Variants in DCT observed in about 807,000 individuals in gnomAD.
DCT encodes dopachrome tautomerase.
DCT carries 47 observed loss-of-function variants against 53.0 expected under a neutral mutation model. That is an observed-to-expected ratio of 0.89 (90% CI 0.70 to 1.13). The LOEUF is 1.13. Among genes scored for constraint, DCT ranks in the 50% most tolerant of loss-of-function variants. The probability of loss-of-function intolerance (pLI) is 0.00; values close to 1 mark genes in which losing one functional copy is unlikely to be tolerated. For missense variants in DCT, 669 were observed against 637.4 expected (o/e 1.05, Z -0.53); for synonymous variants, 244 against 237.0 (o/e 1.03, Z -0.27).
At chr13:94,539,204 A>T in the DCT span, among the ~76,000 whole-genome samples, 1 of 152,214 alleles carries the variant, frequency 6.6e-6, no homozygotes, top group South Asian at 2.1e-4. Context: ...AACACAGAGA[A>T]TGAAAGTTGG....
the DCT span, among the ~76,000 whole-genome samples, chr13:94,487,712 C>T: frequency 6.6e-5 from 10 of 152,156 alleles, no homozygotes; most frequent in African/African-American, 9.7e-5. Flanking sequence ...AAATCCTCCC[C>T]GTTTTTTAGC....
chr13:94,449,817 G>T (rs1304136644), intron 6 of DCT, among the ~76,000 whole-genome samples: 1 of 151,094 alleles, frequency 6.6e-6, no homozygotes, highest in African/African-American at 2.5e-5. Context: ...GCCCTAAATA[G>T]GCCATATGTA....
At chr13:94,522,958 G>A in the DCT span, among the ~76,000 whole-genome samples, 4 of 152,172 alleles carry the variant, frequency 2.6e-5, no homozygotes, top group African/African-American at 7.2e-5. Flanking sequence ...GTTAGCATAC[G>A]TGTTTTACAT....
At chr13:94,452,485 G>A (rs1267865630) in intron 6 of DCT, 1 of 619,914 alleles carries the variant, frequency 1.6e-6, no homozygotes, top group Non-Finnish European at 2.8e-6. Context: ...TGACACATAG[G>A]TGACACACAG....
At chr13:94,486,578 C>T in the DCT span, among the ~76,000 whole-genome samples, 1 of 152,202 alleles carries the variant, frequency 6.6e-6, no homozygotes. Flanking sequence ...TATCATCAAA[C>T]ACATTTCCCA....
chr13:94,443,575 T>G lies in DCT; in HGVS notation c.1242A>C (p.Ala414=), dbSNP rs537647470. Residue 414 remains alanine, a synonymous_variant, in exon 7 of 8, where the codon GCA becomes GCC. Transcript: ENST00000377028. ...GGGCCAGCTCCTGAGGCCAGGCATC[T>G]GCAGGAGGATTAAATCTTTTCATCC... ...DEWMKRFNPP[A]DAWPQELAPI... The G allele has an allele frequency of 2.5e-6, 4 of 1,614,034 alleles. No homozygotes were observed. In the Admixed American group the frequency reaches 5.0e-5, roughly 20 times the overall value.
chr13:94,480,539 T>C (rs1885397207), upstream of DCT, among the ~76,000 whole-genome samples: 2 of 152,202 alleles, frequency 1.3e-5, no homozygotes. Context: ...AAGACACATA[T>C]TGTTATGTTT....
the DCT span, among the ~76,000 whole-genome samples, chr13:94,488,709 T>C: frequency 6.9e-6 from 1 of 145,118 alleles, no homozygotes; most frequent in Non-Finnish European, 1.5e-5. Flanking sequence ...GGCCAGACCT[T>C]CTTGTCTAAT....
At chr13:94,530,070 G>A in the DCT span, among the ~76,000 whole-genome samples, 1 of 152,114 alleles carries the variant, frequency 6.6e-6, no homozygotes, top group South Asian at 2.1e-4. Flanking sequence ...ACCCTCCCAA[G>A]ACTAAACCAG....
At chr13:94,497,163 G>A in the DCT span, among the ~76,000 whole-genome samples, 2 of 152,112 alleles carry the variant, frequency 1.3e-5, no homozygotes, top group African/African-American at 2.4e-5. Flanking sequence ...TCTTCATAAC[G>A]TAGGTGGGCC....
At chr13:94,460,503 CTA>C (rs1594297442) in intron 5 of DCT, among the ~76,000 whole-genome samples, 1 of 152,164 alleles carries the variant, frequency 6.6e-6, no homozygotes, top group Admixed American at 6.5e-5. Context: ...AGAGCAGGCT[CTA>C]TGTTTTCTTC....
the DCT span, among the ~76,000 whole-genome samples, chr13:94,488,810 C>T: frequency 6.8e-6 from 1 of 146,986 alleles, no homozygotes; most frequent in South Asian, 2.3e-4. Flanking sequence ...TATACACATA[C>T]ATACACACAC....
At chr13:94,498,678 G>A in the DCT span, among the ~76,000 whole-genome samples, 44 of 152,330 alleles carry the variant, frequency 2.9e-4, no homozygotes, top group Admixed American at 1.3e-3. Context: ...CAGGAGCTGT[G>A]TACATTTGAG....
the DCT span, among the ~76,000 whole-genome samples, chr13:94,542,982 C>A: frequency 6.6e-6 from 1 of 152,188 alleles, no homozygotes; most frequent in Non-Finnish European, 1.5e-5. Flanking sequence ...TAGCTTTGAA[C>A]TGGTCATGGA....
At chr13:94,541,676 A>G in the DCT span, among the ~76,000 whole-genome samples, 3 of 152,178 alleles carry the variant, frequency 2.0e-5, no homozygotes, top group Non-Finnish European at 4.4e-5. Flanking sequence ...CGAGGAGTGG[A>G]TTTGGAATGT....
intron 7 of DCT, among the ~76,000 whole-genome samples, chr13:94,442,497 T>C (rs1371376228): frequency 6.6e-6 from 1 of 152,132 alleles, no homozygotes; most frequent in Non-Finnish European, 1.5e-5. Flanking sequence ...TTAGCAGAGA[T>C]AGGTCTCAGT....
At chr13:94,545,967 C>G in the DCT span, among the ~76,000 whole-genome samples, 7 of 152,050 alleles carry the variant, frequency 4.6e-5, no homozygotes, top group Non-Finnish European at 7.4e-5. Context: ...GAGCCCCCTT[C>G]TAGACCAGGC....
the DCT span, among the ~76,000 whole-genome samples, chr13:94,514,232 G>A: frequency 6.6e-6 from 1 of 152,044 alleles, no homozygotes; most frequent in East Asian, 1.9e-4. Context: ...CAGATGTGAT[G>A]TCGTAACAAC....
At chr13:94,503,521 G>A in the DCT span, among the ~76,000 whole-genome samples, 1 of 152,148 alleles carries the variant, frequency 6.6e-6, no homozygotes, top group African/African-American at 2.4e-5. Context: ...TGGATTTAGG[G>A]TGGGCACAAA....
Sources: allele counts gnomAD v4.1 joint callset (sites outside exome capture counted in the v4.1 genomes callset), GRCh38; gene constraint gnomAD v4.1.1; transcripts MANE v1.5; gene names NCBI Gene and HGNC (gene_info 2026-07-23, HGNC 2026-07-21).